Variants in SLC9A9 observed in about 807,000 individuals in gnomAD.
The protein encoded by SLC9A9 is solute carrier family 9 member A9.
In SLC9A9, 62 loss-of-function variants were observed where a neutral mutation model predicts 77.8. The ratio of observed to expected loss-of-function variants is 0.80; its 90% CI spans 0.65 to 0.98. SLC9A9 has a LOEUF of 0.98. Ranked by LOEUF, SLC9A9 falls within the 50% of genes least tolerant of loss-of-function variation. The pLI, the probability that SLC9A9 is intolerant of heterozygous loss-of-function variation, is 0.00. For synonymous variants in SLC9A9, 320 were observed against 283.5 expected (o/e 1.13, Z -1.29); for missense variants, 775 against 774.9 (o/e 1.00, Z 0.00).
chr3:143,831,873 T>C lies in SLC9A9; in HGVS notation c.378+146A>G. 4.1e-6 allele frequency: 3 copies of C among 726,928 alleles called. No individual in the cohort carries two copies. The South Asian group carries it at 5.6e-5, about 14-fold the overall frequency. 45.0% of individuals were successfully genotyped at this position (726,928 alleles called of 1,614,324 possible). On this transcript the variant is annotated intron_variant, in intron 2 of 15. Coordinates refer to ENST00000316549, the MANE Select transcript of SLC9A9 (RefSeq NM_173653.4). ...AGGGTATAACTCAGGGTTTGACTCC[T>C]TAGTCAATTAACGTCTCCAAAAGAG...
chr3:143,524,248 A>G (rs2036366291), intron 9 of SLC9A9, among the ~76,000 whole-genome samples: 1 of 151,750 alleles, frequency 6.6e-6, no homozygotes. Flanking sequence ...GATGGAAAGG[A>G]TGACCCAACT....
chr3:143,711,570 A>T (rs955346168), intron 4 of SLC9A9, among the ~76,000 whole-genome samples: 2 of 131,462 alleles, frequency 1.5e-5, no homozygotes, highest in Non-Finnish European at 3.1e-5. Flanking sequence ...TGGCTAATTT[A>T]AAAAAAAAAT....
chr3:143,761,511 C>A (rs1283239276), intron 4 of SLC9A9, among the ~76,000 whole-genome samples: 1 of 152,168 alleles, frequency 6.6e-6, no homozygotes, highest in Non-Finnish European at 1.5e-5. Context: ...AAACAAACAA[C>A]CCCATCAAAA....
intron 5 of SLC9A9, among the ~76,000 whole-genome samples, chr3:143,692,465 A>C (rs1042336491): frequency 6.6e-6 from 1 of 152,194 alleles, no homozygotes; most frequent in Non-Finnish European, 1.5e-5. Flanking sequence ...TAATCCAGTC[A>C]TGATGAGAGA....
intron 5 of SLC9A9, among the ~76,000 whole-genome samples, chr3:143,677,197 A>G (rs1932911292): frequency 6.6e-6 from 1 of 152,234 alleles, no homozygotes; most frequent in African/African-American, 2.4e-5. Flanking sequence ...TTCTGTGCCT[A>G]TACCTCACAA....
At chr3:143,607,436 T>C (rs1454648667) in intron 6 of SLC9A9, among the ~76,000 whole-genome samples, 3 of 152,084 alleles carry the variant, frequency 2.0e-5, no homozygotes, top group Non-Finnish European at 4.4e-5. Flanking sequence ...GATTACTGAA[T>C]GGTTAAAAAT....
rs113504193 is a variant in SLC9A9, at chr3:143,363,448, A to T, written c.1604+36T>A. ...GAGCTTAAAGTAATTCTCTGCCTGC[A>T]GCAGGATCTGTGAGATCGTTATTAT... On this transcript the variant is annotated intron_variant, in intron 14 of 15. Coordinates refer to ENST00000316549, the MANE Select transcript of SLC9A9 (RefSeq NM_173653.4). The T allele has an allele frequency of 8.2e-6, 13 of 1,585,822 alleles. No homozygotes were observed. In the African/African-American group the frequency reaches 1.5e-4, roughly 18 times the overall value.
At chr3:143,640,178 C>T (rs1238579500) in intron 6 of SLC9A9, among the ~76,000 whole-genome samples, 2 of 151,946 alleles carry the variant, frequency 1.3e-5, no homozygotes, top group African/African-American at 2.4e-5. Flanking sequence ...CCGGCCACCA[C>T]GCCCGGCTAA....
rs1937684011 is a variant in SLC9A9 at position 143,265,592 on chromosome 3, G to C, written c.*1110C>G. The C allele has an allele frequency of 3.3e-6, 1 of 307,532 alleles. No individual in the cohort carries two copies. Among genetic ancestry groups the C allele is most frequent in the Non-Finnish European group, 5.9e-6 (1 of 168,798 alleles). 19.1% of individuals were successfully genotyped at this position (307,532 alleles called of 1,614,324 possible). ...ACATCTGGATTTCAAGAGGTGCTAG[G>C]CTTGAGGTATCTTTATGGCTTAAAA... On this transcript the variant is annotated 3_prime_UTR_variant, in exon 16 of 16. Transcript: ENST00000316549.
chr3:143,846,440 T>G (rs2009831451), intron 1 of SLC9A9, among the ~76,000 whole-genome samples: 1 of 152,180 alleles, frequency 6.6e-6, no homozygotes, highest in Non-Finnish European at 1.5e-5. Context: ...GATAGGCAAA[T>G]GACAGGAACC....
intron 12 of SLC9A9, among the ~76,000 whole-genome samples, chr3:143,426,679 G>A (rs1229184480): frequency 6.6e-6 from 1 of 152,202 alleles, no homozygotes; most frequent in African/African-American, 2.4e-5. Context: ...TGATCACCCA[G>A]TGCCATGTTG....
chr3:143,666,691 A>G (rs1226056225), intron 5 of SLC9A9, among the ~76,000 whole-genome samples: 1 of 152,204 alleles, frequency 6.6e-6, no homozygotes, highest in Non-Finnish European at 1.5e-5. Flanking sequence ...TACACCAGTA[A>G]CAGACAGAGA....
At chr3:143,624,095 A>C (rs996074274) in intron 6 of SLC9A9, among the ~76,000 whole-genome samples, 11 of 152,204 alleles carry the variant, frequency 7.2e-5, no homozygotes, top group Non-Finnish European at 1.5e-4. Flanking sequence ...TAGACCAATA[A>C]CAGGCTCTGA....
rs542395614 is a variant in SLC9A9 at position 143,623,646 on chromosome 3, C to G, written c.755+28609G>C. On this transcript the variant is annotated intron_variant, in intron 6 of 15. Coordinates refer to ENST00000316549, the MANE Select transcript of SLC9A9 (RefSeq NM_173653.4). ...AGAGGGAAATTTATAGCACTAAATG[C>G]CCACAAGAGAAAGCAGGAAAGATCT... Among the ~76,000 whole-genome samples the G allele has an allele frequency of 8.9e-3, 1,347 of 151,918 alleles. 20 individuals carry two copies. The highest frequency in any genetic ancestry group is 0.032 in the African/African-American group (1,309 of 41,406).
At chr3:143,557,801 C>G (rs1430036293) in intron 8 of SLC9A9, among the ~76,000 whole-genome samples, 1 of 152,108 alleles carries the variant, frequency 6.6e-6, no homozygotes, top group Non-Finnish European at 1.5e-5. Flanking sequence ...GCAAAGCATT[C>G]AAGAAAACTC....
chr3:143,615,373 C>T (rs1371897014), intron 6 of SLC9A9, among the ~76,000 whole-genome samples: 1 of 151,806 alleles, frequency 6.6e-6, no homozygotes, highest in Non-Finnish European at 1.5e-5. Context: ...GGTATAAGAA[C>T]AGAAATCTTC....
At chr3:143,737,486 C>A (rs562362802) in intron 4 of SLC9A9, among the ~76,000 whole-genome samples, 202 of 146,466 alleles carry the variant, frequency 1.4e-3, no homozygotes, top group Middle Eastern at 3.5e-3. Context: ...AAAAAAAAAA[C>A]CAAAAAAAAA....
chr3:143,623,575 A>G (rs978381539), intron 6 of SLC9A9, among the ~76,000 whole-genome samples: 5 of 152,214 alleles, frequency 3.3e-5, no homozygotes, highest in Non-Finnish European at 7.3e-5. Context: ...ACGAGAACAA[A>G]GACACAACAT....
chr3:143,267,202 A>T (rs1937751109), intron 15 of SLC9A9, among the ~76,000 whole-genome samples: 1 of 152,062 alleles, frequency 6.6e-6, no homozygotes, highest in African/African-American at 2.4e-5. Context: ...TGGGTTAAGG[A>T]TGTTTCCACC....
Sources: allele counts gnomAD v4.1 joint callset (sites outside exome capture counted in the v4.1 genomes callset), GRCh38; gene constraint gnomAD v4.1.1; transcripts MANE v1.5; gene names NCBI Gene and HGNC (gene_info 2026-07-23, HGNC 2026-07-21).